DYNLL1: variants seen among roughly 807,000 people sequenced by gnomAD.
The protein encoded by DYNLL1 is dynein light chain 1, cytoplasmic.
Under a neutral mutation model 10.1 loss-of-function variants are expected in DYNLL1, and 3 were observed. The observed-to-expected ratio is 0.30, with a 90% CI of 0.14 to 0.77. The LOEUF is 0.77. Ranked by LOEUF, DYNLL1 falls within the 30% of genes least tolerant of loss-of-function variation. DYNLL1 has a pLI of 0.66. For synonymous variants in DYNLL1, 46 were observed against 41.2 expected (o/e 1.12, Z -0.45); for missense variants, 47 against 111.7 (o/e 0.42, Z 2.61).
At chr12:120,490,864 C>G (rs938183548) in intron 1 of DYNLL1, 1 of 152,236 alleles carries the variant, frequency 6.6e-6, no homozygotes, top group African/African-American at 2.4e-5. Context: ...TACAGGAACA[C>G]TAATGATAAG....
At chr12:120,497,737 C>T (rs535444479) in intron 2 of DYNLL1, 2 of 228,732 alleles carry the variant, frequency 8.7e-6, no homozygotes, top group African/African-American at 4.6e-5. Flanking sequence ...CTACACAGAA[C>T]ATGATAAACT....
chr12:120,471,777 A>AT (rs1204777334), intron 1 of DYNLL1, among the ~76,000 whole-genome samples: 2 of 151,734 alleles, frequency 1.3e-5, no homozygotes, highest in Non-Finnish European at 2.9e-5. Context: ...CGCCCGGCTG[A>AT]TTTTTTTATA....
upstream of DYNLL1, chr12:120,492,087 C>G (rs1176901832): frequency 6.6e-6 from 1 of 152,074 alleles, no homozygotes; most frequent in East Asian, 1.9e-4. This position sits in a 1 kb window ranked among gnomAD's most constrained non-coding sequence, Gnocchi z 4.1. Context: ...GAGACTTCAT[C>G]TCTTTGAACC....
chr12:120,479,525 A>G (rs1307780859), intron 1 of DYNLL1, among the ~76,000 whole-genome samples: 3 of 151,590 alleles, frequency 2.0e-5, no homozygotes, highest in Admixed American at 6.6e-5. Flanking sequence ...ACAAAATGAG[A>G]TATGTGCTAC....
intron 1 of DYNLL1, among the ~76,000 whole-genome samples, chr12:120,472,031 T>C (rs1302094378): frequency 6.6e-6 from 1 of 152,232 alleles, no homozygotes; most frequent in Non-Finnish European, 1.5e-5. Context: ...AGGGAGTGGC[T>C]CAACACATTA....
At chr12:120,494,861 G>A (rs1227584122), upstream of DYNLL1, among the ~76,000 whole-genome samples, 2 of 152,170 alleles carry the variant, frequency 1.3e-5, no homozygotes, top group East Asian at 1.9e-4. Flanking sequence ...TATTTATGGA[G>A]GTTCGAAAAA....
At chr12:120,485,780 G>A (rs1055908379) in intron 1 of DYNLL1, among the ~76,000 whole-genome samples, 1 of 144,058 alleles carries the variant, frequency 6.9e-6, no homozygotes, top group African/African-American at 2.5e-5. Context: ...GTTTGAGGCT[G>A]TAGTGAGGTA....
chr12:120,487,857 AAAC>A (rs1314427005), intron 1 of DYNLL1, among the ~76,000 whole-genome samples: 1 of 152,210 alleles, frequency 6.6e-6, no homozygotes, highest in Admixed American at 6.5e-5. Context: ...TGCTTAGATA[AAAC>A]AATACTTGAA....
chr12:120,494,074 G>C (rs1879205080), upstream of DYNLL1: 1 of 151,994 alleles, frequency 6.6e-6, no homozygotes, highest in South Asian at 2.1e-4. Flanking sequence ...TTTCTACTTA[G>C]TGGAGTCACC....
At position 120,498,174 on chromosome 12, in the gene DYNLL1, G is replaced by A. The variant is rs1161922152; in HGVS notation, c.234G>A (p.Leu78=). ...HETKHFIYFY[L]GQVAILLFKS... ...CCAAACACTTCATCTACTTCTACCT[G>A]GGCCAAGTGGCCATTCTTCTGTTCA... The change falls in exon 3 of 3, where the codon CTG becomes CTA. Residue 78 remains leucine, a synonymous_variant. Coordinates refer to ENST00000242577, the MANE Select transcript of DYNLL1 (RefSeq NM_003746.3). 1 of 1,613,974 alleles carries A rather than the reference G, an allele frequency of 6.2e-7. No individual in the cohort carries two copies. Among genetic ancestry groups the A allele is most frequent in the East Asian group, 2.2e-5 (1 of 44,876 alleles).
At chr12:120,471,674 G>C (rs1327559800) in intron 1 of DYNLL1, among the ~76,000 whole-genome samples, 2 of 151,952 alleles carry the variant, frequency 1.3e-5, no homozygotes, top group African/African-American at 2.4e-5. Context: ...GCAGTGGCGT[G>C]ATCTCGGCTC....
chr12:120,494,126 CTTG>C (rs998017419), upstream of DYNLL1, among the ~76,000 whole-genome samples: 12 of 152,028 alleles, frequency 7.9e-5, no homozygotes, highest in Non-Finnish European at 1.8e-4. Flanking sequence ...AGGGTCCTCA[CTTG>C]TTGTCAACCT....
At chr12:120,496,606 C>T (rs1450750589) in intron 2 of DYNLL1, 53 bp downstream of exon 2, 2 of 1,613,624 alleles carry the variant, frequency 1.2e-6, no homozygotes, top group Non-Finnish European at 1.7e-6. Flanking sequence ...GGTTCCTTCC[C>T]CCCGATCCTG....
At chr12:120,497,175 G>A (rs80234285) in intron 2 of DYNLL1, 11,117 of 157,448 alleles carry the variant, frequency 0.071, 530 homozygotes, top group Non-Finnish European at 0.1. Context: ...CGTGCCTCTA[G>A]CTTGCAAGAG....
intron 1 of DYNLL1, among the ~76,000 whole-genome samples, chr12:120,485,518 T>C (rs1360586149): frequency 6.6e-6 from 1 of 152,022 alleles, no homozygotes; most frequent in Non-Finnish European, 1.5e-5. Flanking sequence ...CCTCCCAAAG[T>C]GCTGGGATTA....
At chr12:120,474,248 C>A (rs1878708299) in intron 1 of DYNLL1, among the ~76,000 whole-genome samples, 1 of 151,836 alleles carries the variant, frequency 6.6e-6, no homozygotes, top group Admixed American at 6.6e-5. Flanking sequence ...TGCAGTGAGC[C>A]AATATTGCAC....
At position 120,498,054 on chromosome 12, in the gene DYNLL1, T is replaced by G. The variant is rs188270446; in HGVS notation, c.133-19T>G. 1.2e-3 allele frequency: 1,910 copies of G among 1,611,670 alleles called. 18 individuals carry two copies. Among genetic ancestry groups the G allele is most frequent in the Non-Finnish European group, 3.2e-4 (375 of 1,178,824 alleles). Reference sequence around the variant, plus strand: ...CTCTGGTAATTAAAATCCTAGTTCTTTTCTTTTGTCTTTTCCAGGAATTTG... The same window carrying G: ...CTCTGGTAATTAAAATCCTAGTTCTGTTCTTTTGTCTTTTCCAGGAATTTG... On this transcript the variant is annotated intron_variant, in intron 2 of 2. Transcript: ENST00000242577.
intron 1 of DYNLL1, among the ~76,000 whole-genome samples, chr12:120,478,120 T>G (rs1462230722): frequency 8.0e-5 from 12 of 150,330 alleles, no homozygotes; most frequent in South Asian, 2.1e-4. Context: ...TGTTGTTTTT[T>G]TTTTTGAGAA....
At chr12:120,497,914 C>T in intron 2 of DYNLL1, 159 bp from the exon 3 acceptor site, 2 of 688,162 alleles carry the variant, frequency 2.9e-6, no homozygotes, top group Non-Finnish European at 4.8e-6. Flanking sequence ...TATTAATGTA[C>T]TATGTAGGCG....
Sources: gnomAD v4.1 joint callset for allele counts (sites outside exome capture counted in the v4.1 genomes callset) on GRCh38, gnomAD v4.1.1 for gene constraint, Gnocchi (gnomAD v3.1) non-coding constraint, MANE v1.5 for transcripts, NCBI Gene and HGNC (gene_info 2026-07-23, HGNC 2026-07-21) for gene names.